The following XRCC5 variants were observed in gnomAD, a reference collection of about 807,000 sequenced individuals.
XRCC5 encodes DNA repair protein Ku80.
Under a neutral mutation model 95.7 loss-of-function variants are expected in XRCC5, and 12 were observed. The ratio of observed to expected loss-of-function variants is 0.13; its 90% CI spans 0.08 to 0.20. The LOEUF is 0.20. XRCC5 is among the 10% of genes least tolerant of loss of function. XRCC5 has a pLI of 1.00. For synonymous variants in XRCC5, 281 were observed against 290.3 expected (o/e 0.97, Z 0.33); for missense variants, 595 against 873.9 (o/e 0.68, Z 4.02).
chr2:216,189,531 A>G (rs1314733687), intron 16 of XRCC5, among the ~76,000 whole-genome samples: 1 of 152,220 alleles, frequency 6.6e-6, no homozygotes, highest in East Asian at 1.9e-4. Flanking sequence ...TGATAACACT[A>G]TGAATGCATT....
chr2:216,137,235 A>G lies in XRCC5; in HGVS notation c.1251+10A>G, dbSNP rs768553123. On this transcript the variant is annotated intron_variant, in intron 11 of 20. Coordinates refer to ENST00000392132, the MANE Select transcript of XRCC5 (RefSeq NM_021141.4). ...CAAGCATAACTATGAGGTAAAACCC[A>G]AAGTCTTAATGTTATTTTTTTTCTT... 27 of 1,610,288 alleles carry G rather than the reference A, an allele frequency of 1.7e-5. No individual in the cohort carries two copies. The Admixed American group carries it at 2.7e-4, about 16-fold the overall frequency.
At chr2:216,156,912 T>C (rs1688854083) in intron 14 of XRCC5, 1 of 319,688 alleles carries the variant, frequency 3.1e-6, no homozygotes. Context: ...GGCTTTTGAA[T>C]ATCTTTTCGC....
chr2:216,156,848 A>G, intron 14 of XRCC5: 1 of 389,358 alleles, frequency 2.6e-6, no homozygotes, highest in Non-Finnish European at 5.2e-6. Context: ...GACTGCCAGC[A>G]GTGGGTGCCG....
intron 2 of XRCC5, among the ~76,000 whole-genome samples, chr2:216,116,307 A>G (rs1574450504): frequency 6.6e-6 from 1 of 152,174 alleles, no homozygotes; most frequent in African/African-American, 2.4e-5. Flanking sequence ...TAAACCTTAG[A>G]CATTCCATAA....
intron 13 of XRCC5, 110 bp downstream of exon 13, chr2:216,141,429 C>G: frequency 9.1e-7 from 1 of 1,097,320 alleles, no homozygotes; most frequent in Non-Finnish European, 1.3e-6. Context: ...CTCTGAAGGC[C>G]CCATTTGCTC....
intron 16 of XRCC5, among the ~76,000 whole-genome samples, chr2:216,170,856 GTTCT>G (rs1332499823): frequency 6.6e-6 from 1 of 152,204 alleles, no homozygotes; most frequent in Non-Finnish European, 1.5e-5. Context: ...TGGCAATTTG[GTTCT>G]TTCTTTCCAC....
chr2:216,182,133 C>A (rs543586373), intron 16 of XRCC5, among the ~76,000 whole-genome samples: 2 of 152,324 alleles, frequency 1.3e-5, no homozygotes, highest in East Asian at 3.9e-4. Context: ...TCCACCCTCC[C>A]CAAAAGCACA....
intron 13 of XRCC5, among the ~76,000 whole-genome samples, chr2:216,143,031 A>G (rs1697196542): frequency 6.6e-6 from 1 of 152,210 alleles, no homozygotes; most frequent in Admixed American, 6.5e-5. Context: ...CCTACTTTAA[A>G]TGTGCTCAAA....
intron 16 of XRCC5, 76 bp downstream of exon 16, chr2:216,162,124 A>G (rs772259715): frequency 7.2e-7 from 1 of 1,385,022 alleles, no homozygotes. Context: ...TAAGAACTGT[A>G]GCCTTTTGTT....
At chr2:216,169,057 A>G (rs188043162) in intron 16 of XRCC5, among the ~76,000 whole-genome samples, 266 of 152,400 alleles carry the variant, frequency 1.7e-3, no homozygotes, top group Middle Eastern at 3.4e-3. Flanking sequence ...AAAGCCTGGG[A>G]AAGGCTATTC....
intron 16 of XRCC5, among the ~76,000 whole-genome samples, chr2:216,173,167 C>A (rs1233625574): frequency 2.0e-5 from 3 of 152,046 alleles, no homozygotes; most frequent in Middle Eastern, 3.2e-3. Context: ...ATATTGTCTG[C>A]AAATAAAGAA....
intron 10 of XRCC5, among the ~76,000 whole-genome samples, chr2:216,132,865 A>T (rs1181262635): frequency 6.6e-6 from 1 of 152,116 alleles, no homozygotes; most frequent in Non-Finnish European, 1.5e-5. Flanking sequence ...TTCTATACTC[A>T]CATCTGCCCT....
intron 19 of XRCC5, among the ~76,000 whole-genome samples, chr2:216,201,451 T>C (rs1183531442): frequency 6.6e-6 from 1 of 152,150 alleles, no homozygotes; most frequent in East Asian, 1.9e-4. Flanking sequence ...GGACTGGCAG[T>C]TTCTATATAG....
chr2:216,117,886 A>G (rs1696730152), intron 4 of XRCC5, 92 bp downstream of exon 4: 2 of 1,267,338 alleles, frequency 1.6e-6, no homozygotes, highest in Non-Finnish European at 2.3e-6. Context: ...TTCATTGTTA[A>G]TCAAGCTGCA....
At chr2:216,168,388 A>G (rs954030569) in intron 16 of XRCC5, among the ~76,000 whole-genome samples, 2 of 152,230 alleles carry the variant, frequency 1.3e-5, no homozygotes, top group African/African-American at 4.8e-5. Flanking sequence ...GCAGCCAAAT[A>G]ATTTAGATGA....
intron 20 of XRCC5, among the ~76,000 whole-genome samples, 158 bp downstream of exon 20, chr2:216,204,554 A>G (rs553941865): frequency 6.6e-6 from 1 of 152,338 alleles, no homozygotes; most frequent in Admixed American, 6.5e-5. Context: ...GCCATTATAA[A>G]TTCAATCAGA....
chr2:216,202,501 T>C (rs1689852726), intron 19 of XRCC5, among the ~76,000 whole-genome samples: 1 of 152,238 alleles, frequency 6.6e-6, no homozygotes, highest in Admixed American at 6.5e-5. Flanking sequence ...GGCTGTCAGA[T>C]ATCTTTATTC....
At chr2:216,141,064 C>G in intron 12 of XRCC5, 122 bp from the exon 13 acceptor site, 2 of 1,140,908 alleles carry the variant, frequency 1.8e-6, no homozygotes, top group African/African-American at 3.1e-5. Flanking sequence ...CTAGAGAATA[C>G]TTTGGCAGGG....
At chr2:216,119,465 G>A (rs191204972) in intron 5 of XRCC5, among the ~76,000 whole-genome samples, 3 of 152,242 alleles carry the variant, frequency 2.0e-5, no homozygotes, top group African/African-American at 7.2e-5. Flanking sequence ...ACCCTTTGAG[G>A]ATATTCAATT....
Sources: allele counts gnomAD v4.1 joint callset (sites outside exome capture counted in the v4.1 genomes callset), GRCh38; gene constraint gnomAD v4.1.1; transcripts MANE v1.5; gene names NCBI Gene and HGNC (gene_info 2026-07-23, HGNC 2026-07-21).